The following AXDND1 variants were observed in gnomAD, a reference collection of about 807,000 sequenced individuals.
AXDND1 encodes axonemal dynein light chain domain-containing protein 1.
Under a neutral mutation model 137.5 loss-of-function variants are expected in AXDND1, and 110 were observed. That is an observed-to-expected ratio of 0.80 (90% CI 0.69 to 0.94). The LOEUF (loss-of-function observed/expected upper bound fraction) is 0.94, where lower values mean the gene tolerates loss of function less well. Among genes scored for constraint, AXDND1 ranks in the 40% least tolerant of loss-of-function variants. AXDND1 has a pLI of 0.00. For synonymous variants in AXDND1, 414 were observed against 399.7 expected, an observed-to-expected ratio of 1.04 and a Z score of -0.43; for missense variants, 1,191 against 1,169.8, an observed-to-expected ratio of 1.02 and a Z score of -0.26.
intron 16 of AXDND1, chr1:179,449,435 T>A (rs1266265742): frequency 1.2e-5 from 2 of 163,874 alleles, no homozygotes; most frequent in Non-Finnish European, 2.7e-5. Flanking sequence ...TAAAGCAAGT[T>A]TCAAAATCGA....
chr1:179,390,615 TAGA>T (rs1650007537), intron 9 of AXDND1, among the ~76,000 whole-genome samples: 1 of 152,198 alleles, frequency 6.6e-6, no homozygotes, highest in South Asian at 2.1e-4. Flanking sequence ...AATTTATATC[TAGA>T]AGAAGGAATA....
At chr1:179,460,140 C>G (rs1662107799) in intron 16 of AXDND1, among the ~76,000 whole-genome samples, 1 of 151,766 alleles carries the variant, frequency 6.6e-6, no homozygotes, top group African/African-American at 2.4e-5. Context: ...TGTGCTGCAC[C>G]CATTAACTCA....
chr1:179,523,578 C>G (rs1670269074), intron 21 of AXDND1, among the ~76,000 whole-genome samples: 1 of 152,162 alleles, frequency 6.6e-6, no homozygotes, highest in African/African-American at 2.4e-5. Context: ...CACACGGTTT[C>G]TGGCTCTATG....
At chr1:179,400,702 C>G (rs7544786) in intron 11 of AXDND1, among the ~76,000 whole-genome samples, 43,111 of 148,182 alleles carry the variant, frequency 0.29, 6,408 homozygotes, top group Non-Finnish European at 0.31. Flanking sequence ...AGGAGATCAA[C>G]ACCATCCTGG....
intron 9 of AXDND1, among the ~76,000 whole-genome samples, chr1:179,386,369 T>C (rs1222423394): frequency 6.6e-6 from 1 of 152,174 alleles, no homozygotes; most frequent in African/African-American, 2.4e-5. Context: ...TCTTTACCAT[T>C]GCTTTTGAGC....
chr1:179,399,145 A>G (rs1651547261), intron 11 of AXDND1, among the ~76,000 whole-genome samples: 1 of 152,204 alleles, frequency 6.6e-6, no homozygotes, highest in Non-Finnish European at 1.5e-5. Context: ...GCACTATTCT[A>G]CAATCAACAT....
At chr1:179,408,428 G>T (rs111845435) in intron 11 of AXDND1, among the ~76,000 whole-genome samples, 1 of 151,570 alleles carries the variant, frequency 6.6e-6, no homozygotes, top group Non-Finnish European at 1.5e-5. Flanking sequence ...CCAGGCTGGA[G>T]TGTACTGGTG....
intron 18 of AXDND1, among the ~76,000 whole-genome samples, chr1:179,488,668 T>TTTCTTTCTTTCTTTCC (rs1666448736): frequency 7.3e-6 from 1 of 137,490 alleles, no homozygotes; most frequent in Admixed American, 7.1e-5. Flanking sequence ...TCTTTCTTTC[T>TTTCTTTCTTTCTTTCC]TTCTTTCTTT....
In AXDND1 at chr1:179,393,962, A is replaced by G. The variant is rs1411425476; in HGVS notation, c.923A>G (p.Asp308Gly). 3 of 1,612,130 alleles carry G rather than the reference A, an allele frequency of 1.9e-6. No homozygotes were observed. Among genetic ancestry groups the G allele is most frequent in the African/African-American group, 2.7e-5 (2 of 74,764 alleles). The change falls in exon 10 of 26, where the codon GAC becomes GGC. Residue 308 changes from aspartate (D) to glycine (G), a missense_variant. Physicochemically the swap from Asp to Gly is moderately conservative, Grantham distance 94 (BLOSUM62 -1). Coordinates refer to ENST00000367618, the MANE Select transcript of AXDND1 (RefSeq NM_144696.6). ...IARQMIDFYK[D>G]LVTQRVMDQR... ...CGGCAGATGATTGATTTCTACAAAG[A>G]CTTGGTAACTCAGCGAGTGATGGAC... is the stretch of plus-strand genomic sequence containing the variant.
intron 25 of AXDND1, among the ~76,000 whole-genome samples, chr1:179,537,883 C>T (rs1302243205): frequency 6.6e-6 from 1 of 152,112 alleles, no homozygotes; most frequent in African/African-American, 2.4e-5. Context: ...TGTTATTGGT[C>T]TATTCAGAGA....
chr1:179,387,662 T>C (rs976633629), intron 9 of AXDND1, among the ~76,000 whole-genome samples: 1 of 152,224 alleles, frequency 6.6e-6, no homozygotes, highest in African/African-American at 2.4e-5. Context: ...TTTAAAAAAA[T>C]TTGATCCTGT....
intron 9 of AXDND1, among the ~76,000 whole-genome samples, chr1:179,387,275 G>T (rs556402154): frequency 1.4e-4 from 21 of 152,284 alleles, no homozygotes; most frequent in Admixed American, 1.2e-3. Context: ...AAGCTGGGAA[G>T]TGCAGTGTAC....
chr1:179,443,575 C>T (rs1014512960), intron 15 of AXDND1, among the ~76,000 whole-genome samples: 2 of 152,136 alleles, frequency 1.3e-5, no homozygotes, highest in African/African-American at 2.4e-5. Context: ...CCTCCCCCAA[C>T]CCCCTGGGCA....
At chr1:179,380,945 A>G (rs1264284499) in intron 6 of AXDND1, among the ~76,000 whole-genome samples, 1 of 151,898 alleles carries the variant, frequency 6.6e-6, no homozygotes, top group Non-Finnish European at 1.5e-5. Flanking sequence ...TTTTCAAACT[A>G]TTTAAGAGTA....
At chr1:179,526,626 C>T (rs953272983) in intron 22 of AXDND1, among the ~76,000 whole-genome samples, 1 of 152,202 alleles carries the variant, frequency 6.6e-6, no homozygotes, top group Non-Finnish European at 1.5e-5. Context: ...TGGCATGACT[C>T]CAGGCTCTGA....
chr1:179,449,891 A>G (rs1660290867), intron 16 of AXDND1: 1 of 151,252 alleles, frequency 6.6e-6, no homozygotes, highest in Non-Finnish European at 1.5e-5. Flanking sequence ...TATTAGTTCT[A>G]ATAGTTTCTG....
intron 20 of AXDND1, among the ~76,000 whole-genome samples, chr1:179,500,627 C>T (rs1376028407): frequency 6.6e-6 from 1 of 152,066 alleles, no homozygotes; most frequent in East Asian, 1.9e-4. Context: ...GCGATCCTGT[C>T]CAATACAGTA....
intron 19 of AXDND1, 30 bp from the exon 20 acceptor site, chr1:179,492,819 CTCTTTT>C (rs770627668): frequency 5.7e-6 from 8 of 1,412,924 alleles, no homozygotes; most frequent in East Asian, 2.3e-5. Context: ...TGTGTATTTG[CTCTTTT>C]TCTTTTTCTT....
At chr1:179,493,757 A>G (rs1667164692) in intron 20 of AXDND1, among the ~76,000 whole-genome samples, 1 of 152,210 alleles carries the variant, frequency 6.6e-6, no homozygotes, top group African/African-American at 2.4e-5. Flanking sequence ...GTTTGAGGTG[A>G]TGGATACCCC....
Sources: allele counts gnomAD v4.1 joint callset (sites outside exome capture counted in the v4.1 genomes callset), GRCh38; gene constraint gnomAD v4.1.1; transcripts MANE v1.5; gene names NCBI Gene and HGNC (gene_info 2026-07-23, HGNC 2026-07-21).